ERBB4: variants seen among roughly 807,000 people sequenced by gnomAD.
The protein encoded by ERBB4 is erb-b2 receptor tyrosine kinase 4, also known as receptor tyrosine-protein kinase erbB-4.
Under a neutral mutation model 158.0 loss-of-function variants are expected in ERBB4, and 42 were observed. That is an observed-to-expected ratio of 0.27 (90% CI 0.21 to 0.34). The LOEUF is 0.34. Among genes scored for constraint, ERBB4 ranks in the 10% least tolerant of loss-of-function variants. The pLI is 1.00. For synonymous variants in ERBB4, 583 were observed against 558.7 expected, an observed-to-expected ratio of 1.04 and a Z score of -0.61; for missense variants, 1,333 against 1,624.1, an observed-to-expected ratio of 0.82 and a Z score of 3.08.
intron 1 of ERBB4, among the ~76,000 whole-genome samples, chr2:212,372,521 G>A (rs191697590): frequency 1.6e-4 from 25 of 152,028 alleles, no homozygotes; most frequent in South Asian, 4.2e-4. Context: ...AGGTTGAGGC[G>A]GGCGGATCAC....
chr2:212,151,226 TTTG>T (rs1559603832), intron 1 of ERBB4, among the ~76,000 whole-genome samples: 1 of 151,538 alleles, frequency 6.6e-6, no homozygotes, highest in Non-Finnish European at 1.5e-5. Context: ...TTCTAATCTC[TTTG>T]TTAAGCATTT....
At chr2:212,489,170 C>A (rs16848694) in intron 1 of ERBB4, among the ~76,000 whole-genome samples, 1 of 151,760 alleles carries the variant, frequency 6.6e-6, no homozygotes, top group Non-Finnish European at 1.5e-5. Flanking sequence ...GCACAAATGA[C>A]CTTTTCCCCT....
chr2:211,394,176 T>C (rs985001919), intron 25 of ERBB4, among the ~76,000 whole-genome samples: 10 of 152,092 alleles, frequency 6.6e-5, no homozygotes, highest in African/African-American at 2.4e-4. Flanking sequence ...CTTTGAGCAA[T>C]AGTATGTGAT....
chr2:212,051,070 G>T (rs1243331530), intron 2 of ERBB4, among the ~76,000 whole-genome samples: 1 of 152,096 alleles, frequency 6.6e-6, no homozygotes, highest in Admixed American at 6.6e-5. Context: ...CCAAGTATTT[G>T]CTCTTTGGCA....
intron 3 of ERBB4, among the ~76,000 whole-genome samples, chr2:211,904,511 C>T (rs2079325482): frequency 6.6e-6 from 1 of 151,986 alleles, no homozygotes; most frequent in African/African-American, 2.4e-5. Context: ...AAATACCATA[C>T]AGTAGAACTT....
At chr2:212,124,588 T>G (rs75566550) in intron 2 of ERBB4, 164 bp downstream of exon 2, 6 of 715,650 alleles carry the variant, frequency 8.4e-6, no homozygotes, top group Non-Finnish European at 1.4e-5. Context: ...GTTACTCTTG[T>G]TCTTTTCCTG....
intron 25 of ERBB4, among the ~76,000 whole-genome samples, chr2:211,393,286 AT>A (rs1364456395): frequency 6.6e-6 from 1 of 152,150 alleles, no homozygotes; most frequent in African/African-American, 2.4e-5. Flanking sequence ...TTTAGGTTTT[AT>A]TTATTCTTAT....
At chr2:211,582,017 A>AT (rs942267061) in intron 19 of ERBB4, among the ~76,000 whole-genome samples, 3 of 152,100 alleles carry the variant, frequency 2.0e-5, no homozygotes, top group African/African-American at 7.2e-5. Context: ...CTCAAAAAAA[A>AT]AAATTAATTT....
chr2:211,665,889 A>G (rs771046205), intron 14 of ERBB4, among the ~76,000 whole-genome samples: 1 of 152,178 alleles, frequency 6.6e-6, no homozygotes, highest in Non-Finnish European at 1.5e-5. Context: ...TAGTGCAGCA[A>G]TTTTTAGTAA....
intron 16 of ERBB4, among the ~76,000 whole-genome samples, chr2:211,636,221 G>A (rs927592184): frequency 3.3e-5 from 5 of 151,672 alleles, no homozygotes; most frequent in South Asian, 2.1e-4. Context: ...TGCAAAACAT[G>A]GTAAAACAGT....
intron 9 of ERBB4, among the ~76,000 whole-genome samples, chr2:211,709,254 C>CACATATAT (rs1402744514): frequency 3.0e-5 from 3 of 101,552 alleles, no homozygotes; most frequent in African/African-American, 1.2e-4. Context: ...TATATATACA[C>CACATATAT]ATATATATAT....
At chr2:212,051,389 G>C (rs1184486726) in intron 2 of ERBB4, among the ~76,000 whole-genome samples, 1 of 152,034 alleles carries the variant, frequency 6.6e-6, no homozygotes, top group Non-Finnish European at 1.5e-5. Context: ...TATCATTTGA[G>C]AGGTTTTATT....
chr2:211,935,934 G>A (rs2080310636), intron 3 of ERBB4, among the ~76,000 whole-genome samples: 1 of 151,818 alleles, frequency 6.6e-6, no homozygotes, highest in Non-Finnish European at 1.5e-5. Context: ...TCTCTATCCT[G>A]GGCTGTACTA....
chr2:211,514,962 G>A (rs1341641718), intron 20 of ERBB4, among the ~76,000 whole-genome samples: 1 of 152,088 alleles, frequency 6.6e-6, no homozygotes, highest in Admixed American at 6.5e-5. Flanking sequence ...AATGTTTACA[G>A]GTGCTTTCAT....
At chr2:212,298,127 A>C (rs1046488863) in intron 1 of ERBB4, among the ~76,000 whole-genome samples, 4 of 151,800 alleles carry the variant, frequency 2.6e-5, no homozygotes, top group Non-Finnish European at 5.9e-5. Context: ...TTGGAAACTG[A>C]ACAAATCATA....
chr2:212,324,642 T>G (rs905879), intron 1 of ERBB4, among the ~76,000 whole-genome samples: 103,343 of 149,626 alleles, frequency 0.69, 37,456 homozygotes, highest in Non-Finnish European at 0.75. Context: ...TGCCTACATC[T>G]TACTAAATCT....
chr2:212,458,890 C>G (rs1215002833), intron 1 of ERBB4, among the ~76,000 whole-genome samples: 4 of 152,104 alleles, frequency 2.6e-5, no homozygotes, highest in Non-Finnish European at 5.9e-5. Context: ...AAGAACATAT[C>G]TTGTTCATGT....
chr2:211,978,396 G>GTCTGTCTGTCTA (rs77259627), intron 2 of ERBB4, among the ~76,000 whole-genome samples: 6,510 of 136,152 alleles, frequency 0.048, 240 homozygotes, highest in African/African-American at 0.087. Context: ...CTGTCTGTCT[G>GTCTGTCTGTCTA]TCTATCTATC....
intron 3 of ERBB4, among the ~76,000 whole-genome samples, chr2:211,898,889 T>C (rs537747563): frequency 3.3e-5 from 5 of 152,208 alleles, no homozygotes; most frequent in African/African-American, 1.2e-4. Flanking sequence ...ACAGCTGTAT[T>C]TATAGACCAG....
Sources: allele counts gnomAD v4.1 joint callset (sites outside exome capture counted in the v4.1 genomes callset), GRCh38; gene constraint gnomAD v4.1.1; transcripts MANE v1.5; gene names NCBI Gene and HGNC (gene_info 2026-07-23, HGNC 2026-07-21).